The following SEMA6C variants were observed in gnomAD, a reference collection of about 807,000 sequenced individuals.
The protein encoded by SEMA6C is semaphorin 6C.
A neutral mutation model predicts 72.9 loss-of-function variants in SEMA6C; 37 were observed. That is an observed-to-expected ratio of 0.51 (90% CI 0.39 to 0.67). The LOEUF is 0.67. Among genes scored for constraint, SEMA6C ranks in the 30% least tolerant of loss-of-function variants. The probability of loss-of-function intolerance (pLI) is 0.00; values close to 1 mark genes in which losing one functional copy is unlikely to be tolerated. For missense variants in SEMA6C, 1,189 were observed against 1,263.6 expected (o/e 0.94, Z 0.89); for synonymous variants, 578 against 554.1 (o/e 1.04, Z -0.61).
At chr1:151,136,645 A>G in intron 11 of SEMA6C, 66 bp from the exon 12 acceptor site, 1 of 1,590,278 alleles carries the variant, frequency 6.3e-7, no homozygotes. Context: ...CCCAGGAAGA[A>G]GTGGTGGCAC....
At position 151,139,797 on chromosome 1, in the gene SEMA6C, C is replaced by G. The variant is rs973077659; in HGVS notation, c.234-96G>C. 8.4e-6 allele frequency: 11 copies of G among 1,315,290 alleles called. No homozygotes were observed. In the Admixed American group the frequency reaches 2.3e-4, roughly 28 times the overall value. 81.5% of individuals were successfully genotyped at this position (1,315,290 alleles called of 1,614,324 possible). Reference sequence around the variant, plus strand: ...GGGACAAACAGTGCAGACCTTCTGGCCCTCCCCTTCCCCCTTCCTCCATGC... The same window carrying G: ...GGGACAAACAGTGCAGACCTTCTGGGCCTCCCCTTCCCCCTTCCTCCATGC... On this transcript the variant is annotated intron_variant, in intron 4 of 18. Transcript: ENST00000368914.
chr1:151,144,809 G>A lies in SEMA6C; in HGVS notation c.-104-375C>T, dbSNP rs184695747. 1.0e-3 allele frequency among the ~76,000 whole-genome samples: 157 copies of A among 152,280 alleles called. 2 individuals are homozygous for A. In the Middle Eastern group the frequency reaches 0.017, roughly 16 times the overall value. On this transcript the variant is annotated intron_variant, in intron 1 of 18. Coordinates refer to ENST00000368914, the MANE Select transcript of SEMA6C (RefSeq NM_030913.6). Reference sequence around the variant, plus strand: ...AGCTAGGGACAATAGAGGCTAATTTGCATCTCATTTACATGCTCTTCATTT... The same window carrying A: ...AGCTAGGGACAATAGAGGCTAATTTACATCTCATTTACATGCTCTTCATTT...
chr1:151,142,758 T>G, intron 2 of SEMA6C, 83 bp from the exon 3 acceptor site: 1 of 665,156 alleles, frequency 1.5e-6, no homozygotes, highest in Non-Finnish European at 2.5e-6. Flanking sequence ...TCTCCTGGTG[T>G]ATCCCCAGAA....
Position 151,132,818 on chromosome 1 carries a change from A to G in SEMA6C, c.2459T>C (p.Leu820Pro), listed in dbSNP as rs1444447829. Residue 820 changes from leucine (L) to proline (P), a missense_variant, in exon 19 of 19, where the codon CTG becomes CCG. Leu to Pro is a moderately conservative substitution (Grantham distance 98). This residue lies in a region of SEMA6C where 721 missense variants were observed against 686.2 expected (regional missense o/e 1.05). Transcript: ENST00000368914. ...RPHECASPLR[L>P]DVPPEGRCAS... ...GCACCTGCCCTCGGGGGGCACGTCC[A>G]GCCTCAGCGGCGAGGCGCACTCGTG... 1 of 1,308,832 alleles carries G rather than the reference A, an allele frequency of 7.6e-7. No individual in the cohort carries two copies. The highest frequency in any genetic ancestry group is 2.0e-5 in the South Asian group (1 of 49,712). 81.1% of individuals were successfully genotyped at this position (1,308,832 alleles called of 1,614,324 possible).
Position 151,133,004 on chromosome 1 carries a change from G to A in SEMA6C, c.2273C>T (p.Pro758Leu). The A allele has an allele frequency of 7.1e-7, 1 of 1,409,066 alleles. No homozygotes were observed. The highest frequency in any genetic ancestry group is 9.3e-7 in the Non-Finnish European group (1 of 1,078,708). 87.3% of individuals were successfully genotyped at this position (1,409,066 alleles called of 1,614,324 possible). Residue 758 changes from proline (P) to leucine (L), a missense_variant, in exon 19 of 19, where the codon CCC becomes CTC. Physicochemically the swap from Pro to Leu is moderately conservative, Grantham distance 98. Transcript: ENST00000368914. The surrounding 1 kb of genome is among the most constrained non-coding windows in gnomAD (Gnocchi z 5.9). ...VLVRPPPPGCPGQAVEVTTLE... is the reference protein window; with the variant it reads ...VLVRPPPPGCLGQAVEVTTLE... ...GGTGGTGACTTCCACGGCCTGCCCGGGACAGCCGGGCGGCGGTGGCCTCAC... is the reference window on the plus strand; with the variant it reads ...GGTGGTGACTTCCACGGCCTGCCCGAGACAGCCGGGCGGCGGTGGCCTCAC...
chr1:151,138,233 G>A (rs1016582764), intron 8 of SEMA6C, 83 bp downstream of exon 8: 1 of 1,581,836 alleles, frequency 6.3e-7, no homozygotes, highest in African/African-American at 1.3e-5. Context: ...TCAGGGGAAT[G>A]GGGGAAAGAC....
intron 1 of SEMA6C, among the ~76,000 whole-genome samples, chr1:151,144,863 C>T (rs1682816921): frequency 1.3e-5 from 2 of 152,138 alleles, no homozygotes; most frequent in Admixed American, 1.3e-4. Flanking sequence ...TAGCAAGCAC[C>T]CTCAACCCTT....
At chr1:151,140,771 G>A (rs1345263619) in intron 3 of SEMA6C, among the ~76,000 whole-genome samples, 1 of 152,202 alleles carries the variant, frequency 6.6e-6, no homozygotes, top group South Asian at 2.1e-4. Context: ...GAGGCGGGCG[G>A]ATCACAAGGT....
At chr1:151,137,631 G>A in intron 10 of SEMA6C, 80 bp downstream of exon 10, 1 of 1,152,794 alleles carries the variant, frequency 8.7e-7, no homozygotes, top group Non-Finnish European at 1.3e-6. Context: ...TTATGGTCAG[G>A]AGATCTCCTC....
chr1:151,134,010 C>A (rs768761729), intron 18 of SEMA6C: 110 of 1,539,902 alleles, frequency 7.1e-5, no homozygotes, highest in Non-Finnish European at 9.0e-5. Flanking sequence ...GTGGGCATCA[C>A]TGGGAGGACT....
At chr1:151,141,063 T>C (rs1682504808) in intron 3 of SEMA6C, among the ~76,000 whole-genome samples, 1 of 152,150 alleles carries the variant, frequency 6.6e-6, no homozygotes. Flanking sequence ...TTGCTATTCT[T>C]ATATATCCCT....
Position 151,140,101 on chromosome 1 carries a change from CAGAG to C in SEMA6C, c.119-15_119-12del, listed in dbSNP as rs1682406321. 1 of 1,608,764 alleles carries C rather than the reference CAGAG, an allele frequency of 6.2e-7. No individual in the cohort carries two copies. Among genetic ancestry groups the C allele is most frequent in the African/African-American group, 1.3e-5 (1 of 74,910 alleles). On this transcript the variant is annotated splice_polypyrimidine_tract_variant and intron_variant, in intron 3 of 18. Coordinates refer to ENST00000368914, the MANE Select transcript of SEMA6C (RefSeq NM_030913.6). ...ATAATGGGGAAGTACCTTGAGGACA[CAGAG>C]AGATAGGATTCTGAGGATACCACAA...
At chr1:151,139,064 G>C (rs587758553) in intron 6 of SEMA6C, among the ~76,000 whole-genome samples, 1 of 146,082 alleles carries the variant, frequency 6.8e-6, no homozygotes. Context: ...TTGCACTCCA[G>C]TCTGGGCAAC....
Position 151,132,688 on chromosome 1 carries a change from C to T in SEMA6C, c.2589G>A (p.Leu863=). 7 of 1,541,330 alleles carry T rather than the reference C, an allele frequency of 4.5e-6. No individual in the cohort carries two copies. Among genetic ancestry groups the T allele is most frequent in the Middle Eastern group, 1.7e-4 (1 of 5,730 alleles). ...PFSGHRAPPA[L]LTRVPSGGPS... ...GACCTCCCGAGGGGACTCGAGTGAG[C>T]AGGGCAGGGGGGGCCCGGTGGCCGG... The change falls in exon 19 of 19, where the codon CTG becomes CTA. Residue 863 remains leucine, a synonymous_variant. Transcript: ENST00000368914.
intron 14 of SEMA6C, 130 bp from the exon 15 acceptor site, chr1:151,135,439 A>C: frequency 6.9e-7 from 1 of 1,446,022 alleles, no homozygotes. Context: ...CCGCCCTACC[A>C]CACTGTCCAG....
At position 151,145,567 on chromosome 1, in the gene SEMA6C, C is replaced by A. The variant is rs1349475919; in HGVS notation, c.-105+866G>T. The A allele has an allele frequency of 6.6e-6, 1 of 152,508 alleles. No individual in the cohort carries two copies. The highest frequency in any genetic ancestry group is 1.9e-4 in the East Asian group (1 of 5,192). 9.4% of individuals were successfully genotyped at this position (152,508 alleles called of 1,614,324 possible). ...AGGGCCAGGGGCTCGACCTGTCTCC[C>A]CCTCACCGGATCCGGGGCTCCGAGG... On this transcript the variant is annotated intron_variant, in intron 1 of 18. Transcript: ENST00000368914. This position sits in a 1 kb window ranked among gnomAD's most constrained non-coding sequence, Gnocchi z 4.4.
At chr1:151,139,282 A>T (rs1389073043) in intron 6 of SEMA6C, 143 bp downstream of exon 6, 1 of 744,602 alleles carries the variant, frequency 1.3e-6, no homozygotes, top group African/African-American at 1.7e-5. Context: ...GAAAATCAGG[A>T]ATTCTCTTTC....
intron 3 of SEMA6C, among the ~76,000 whole-genome samples, chr1:151,141,559 G>A (rs1367530423): frequency 2.0e-5 from 3 of 151,854 alleles, no homozygotes; most frequent in African/African-American, 4.8e-5. Flanking sequence ...ACAGGCACAC[G>A]CCACCAAGCC....
chr1:151,140,770 G>A (rs1047263216), intron 3 of SEMA6C, among the ~76,000 whole-genome samples: 3 of 152,180 alleles, frequency 2.0e-5, no homozygotes, highest in Non-Finnish European at 4.4e-5. Flanking sequence ...CGAGGCGGGC[G>A]GATCACAAGG....
Sources: allele counts gnomAD v4.1 joint callset (sites outside exome capture counted in the v4.1 genomes callset), GRCh38; gene constraint gnomAD v4.1.1; regional missense constraint gnomAD v4.1.1; non-coding constraint Gnocchi (gnomAD v3.1); transcripts MANE v1.5; gene names NCBI Gene and HGNC (gene_info 2026-07-23, HGNC 2026-07-21).